Variants in HDAC2 observed in about 807,000 individuals in gnomAD.
HDAC2 encodes the protein histone deacetylase 2.
HDAC2 carries 5 observed loss-of-function variants against 68.5 expected under a neutral mutation model. The ratio of observed to expected loss-of-function variants is 0.07; its 90% CI spans 0.04 to 0.15. HDAC2 has a LOEUF of 0.15. Among genes scored for constraint, HDAC2 ranks in the 10% least tolerant of loss-of-function variants. HDAC2 has a pLI of 1.00. For synonymous variants in HDAC2, 182 were observed against 191.3 expected, an observed-to-expected ratio of 0.95 and a Z score of 0.40; for missense variants, 291 against 600.8, an observed-to-expected ratio of 0.48 and a Z score of 5.39.
intron 6 of HDAC2, among the ~76,000 whole-genome samples, chr6:113,950,424 A>C (rs1776382915): frequency 6.6e-6 from 1 of 151,438 alleles, no homozygotes; most frequent in African/African-American, 2.4e-5. Context: ...TCTGTCGCCC[A>C]GGATGGAGTG....
intron 8 of HDAC2, chr6:113,948,723 C>A: frequency 5.0e-6 from 2 of 400,308 alleles, no homozygotes; most frequent in South Asian, 5.9e-5. Flanking sequence ...AGTCAACAAC[C>A]ATTCAAAAAT....
In HDAC2 at chr6:113,953,204, C is replaced by G. The variant is rs1192133301; in HGVS notation, c.639+73G>C. The G allele has an allele frequency of 2.0e-5, 21 of 1,034,382 alleles. No homozygotes were observed. In the Middle Eastern group the frequency reaches 1.5e-3, roughly 73 times the overall value. The allele number at this position is 1,034,382 out of a possible 1,614,324, so 64.1% of individuals were successfully genotyped here. A position where few individuals can be genotyped will look rare whatever the true frequency, so the allele number is the denominator to read the frequency against. On this transcript the variant is annotated intron_variant, in intron 6 of 13. Transcript: ENST00000519065. The stretch of plus-strand genomic sequence containing the variant: ...AAATTATTAACTCAGGAGAAAAATA[C>G]TACTTCAAGTATAGGATTACTGATC...
chr6:113,941,583 C>A (rs1000120100), intron 13 of HDAC2, 125 bp downstream of exon 13: 9 of 416,218 alleles, frequency 2.2e-5, no homozygotes, highest in Non-Finnish European at 3.9e-5. Flanking sequence ...AAATTCAGAG[C>A]ACCTCATAAT....
chr6:113,966,185 C>G (rs1776812586), intron 1 of HDAC2, among the ~76,000 whole-genome samples: 1 of 152,144 alleles, frequency 6.6e-6, no homozygotes, highest in African/African-American at 2.4e-5. Flanking sequence ...TGCCACCCAT[C>G]CTACCTAAAT....
chr6:113,945,973 T>C, intron 9 of HDAC2, 35 bp downstream of exon 9: 2 of 1,519,076 alleles, frequency 1.3e-6, no homozygotes, highest in Non-Finnish European at 1.8e-6. Context: ...TATTGACAGT[T>C]CATACAATAA....
chr6:113,934,385 G>T lies in HDAC2; in HGVS notation c.*6673C>A, dbSNP rs1775955566. On this transcript the variant is annotated 3_prime_UTR_variant, in exon 14 of 14. Coordinates refer to ENST00000519065, the MANE Select transcript of HDAC2 (RefSeq NM_001527.4). ...TAAACTGAAGCACAGAAATTTAAAT[G>T]ACTTGCCCAAAGCAAAGTTGTGTAA... The T allele has an allele frequency of 6.6e-6, 1 of 152,180 alleles. No homozygotes were observed. The highest frequency in any genetic ancestry group is 2.1e-4 in the South Asian group (1 of 4,834). The allele number at this position is 152,180 out of a possible 1,614,324, so 9.4% of individuals were successfully genotyped here.
At chr6:113,961,204 C>T (rs757272939) in intron 1 of HDAC2, among the ~76,000 whole-genome samples, 5 of 152,028 alleles carry the variant, frequency 3.3e-5, no homozygotes, top group Non-Finnish European at 7.4e-5. Flanking sequence ...ATAAAAAATG[C>T]AATTTATCCA....
intron 8 of HDAC2, chr6:113,947,832 G>A (rs1004114587): frequency 1.3e-5 from 2 of 151,900 alleles, no homozygotes; most frequent in African/African-American, 4.8e-5. Context: ...ATTAAATAAA[G>A]AAGCTTTTAA....
rs1419267826 is a variant in HDAC2, at chr6:113,934,130, A to T, written c.*6928T>A. On this transcript the variant is annotated 3_prime_UTR_variant, in exon 14 of 14. Transcript: ENST00000519065. ...TCAACAACCAAGAAATAGATTTCAT[A>T]CCTATTACACATAAAGATATAAAGG... 2 of 152,196 alleles carry T rather than the reference A, an allele frequency of 1.3e-5. No individual in the cohort carries two copies. The highest frequency in any genetic ancestry group is 2.9e-5 in the Non-Finnish European group (2 of 68,044). The allele number at this position is 152,196 out of a possible 1,614,324, so 9.4% of individuals were successfully genotyped here.
intron 1 of HDAC2, among the ~76,000 whole-genome samples, chr6:113,962,113 CTTG>C (rs1369296837): frequency 2.0e-5 from 3 of 151,344 alleles, no homozygotes; most frequent in Non-Finnish European, 4.4e-5. Flanking sequence ...GTAATTAACA[CTTG>C]TTGAGTGCTT....
intron 8 of HDAC2, chr6:113,946,395 A>AAGT: frequency 3.2e-6 from 1 of 314,048 alleles, no homozygotes; most frequent in South Asian, 6.0e-5. Context: ...TGGAAAAGTC[A>AAGT]AGTACACAAC....
rs549302947 is a variant in HDAC2 at position 113,933,815 on chromosome 6, ATG to A, written c.*7241_*7242del. 6.6e-5 allele frequency: 10 copies of A among 151,562 alleles called. No homozygotes were observed. Among genetic ancestry groups the A allele is most frequent in the Admixed American group, 1.3e-4 (2 of 15,212 alleles). 9.4% of individuals were successfully genotyped at this position (151,562 alleles called of 1,614,324 possible). ...CATATATACACATGTATATATATATATGTGTGTGTATACATATATATAGAAGG... is the reference window on the plus strand; with the variant it reads ...CATATATACACATGTATATATATATATGTGTGTATACATATATATAGAAGG... On this transcript the variant is annotated 3_prime_UTR_variant, in exon 14 of 14. Transcript: ENST00000519065.
intron 2 of HDAC2, 114 bp downstream of exon 2, chr6:113,959,792 A>T (rs1776638519): frequency 1.6e-6 from 1 of 620,816 alleles, no homozygotes; most frequent in Non-Finnish European, 2.9e-6. Flanking sequence ...GTTTTCTTCC[A>T]GATCTTTTCA....
chr6:113,949,891 C>T (rs1334445098), intron 6 of HDAC2, among the ~76,000 whole-genome samples: 1 of 152,086 alleles, frequency 6.6e-6, no homozygotes, highest in East Asian at 1.9e-4. Context: ...AAGCAATTCT[C>T]CTGCCTCAGC....
At position 113,944,389 on chromosome 6, in the gene HDAC2, C is replaced by T; in HGVS notation, c.1113G>A (p.Leu371=). 1 of 1,613,392 alleles carries T rather than the reference C, an allele frequency of 6.2e-7. No homozygotes were observed. The highest frequency in any genetic ancestry group is 8.5e-7 in the Non-Finnish European group (1 of 1,179,550). ...CACCAGGTGCATGAGGTAACATGCGCAAATTTTCAAACAAACGCTGTCTAA... is the reference window on the plus strand; with the variant it reads ...CACCAGGTGCATGAGGTAACATGCGTAAATTTTCAAACAAACGCTGTCTAA... ...EKIKQRLFEN[L]RMLPHAPGVQ... The change falls in exon 11 of 14, where the codon TTG becomes TTA. Residue 371 remains leucine, a synonymous_variant. Coordinates refer to ENST00000519065, the MANE Select transcript of HDAC2 (RefSeq NM_001527.4).
At chr6:113,942,448 A>G (rs1206788246) in intron 12 of HDAC2, among the ~76,000 whole-genome samples, 1 of 151,300 alleles carries the variant, frequency 6.6e-6, no homozygotes, top group Non-Finnish European at 1.5e-5. Context: ...AAAAAAAAAA[A>G]GCTGGCTTAT....
At chr6:113,946,825 T>C (rs1436205889) in intron 8 of HDAC2, 1 of 152,106 alleles carries the variant, frequency 6.6e-6, no homozygotes, top group Non-Finnish European at 1.5e-5. Context: ...CATAACTCAA[T>C]CTTTAAAGAA....
intron 1 of HDAC2, 36 bp downstream of exon 1, chr6:113,970,821 C>T: frequency 6.6e-7 from 1 of 1,519,594 alleles, no homozygotes; most frequent in South Asian, 1.2e-5. Context: ...GCGCCCGGCC[C>T]CGCGCGCCCA....
chr6:113,970,499 G>A, intron 1 of HDAC2: 1 of 1,141,036 alleles, frequency 8.8e-7, no homozygotes, highest in Non-Finnish European at 1.1e-6. Flanking sequence ...CACGAATGGT[G>A]GGCGGGAGAA....
Sources: allele counts gnomAD v4.1 joint callset (sites outside exome capture counted in the v4.1 genomes callset), GRCh38; gene constraint gnomAD v4.1.1; transcripts MANE v1.5; gene names NCBI Gene and HGNC (gene_info 2026-07-23, HGNC 2026-07-21).